Variants in KCNH1 observed in about 807,000 individuals in gnomAD.
The protein encoded by KCNH1 is voltage-gated delayed rectifier potassium channel KCNH1.
Under a neutral mutation model 69.2 loss-of-function variants are expected in KCNH1, and 27 were observed. The ratio of observed to expected loss-of-function variants is 0.39; its 90% CI spans 0.29 to 0.54. The LOEUF is 0.54. Ranked by LOEUF, KCNH1 falls within the 20% of genes least tolerant of loss-of-function variation. KCNH1 has a pLI of 0.68. For missense variants in KCNH1, 798 were observed against 1,261.6 expected, an observed-to-expected ratio of 0.63 and a Z score of 5.57; for synonymous variants, 456 against 487.7, an observed-to-expected ratio of 0.93 and a Z score of 0.86.
At chr1:210,767,768 C>G (rs1683666470) in intron 10 of KCNH1, among the ~76,000 whole-genome samples, 1 of 152,176 alleles carries the variant, frequency 6.6e-6, no homozygotes, top group Non-Finnish European at 1.5e-5. Context: ...GGATGCTACT[C>G]TCCTCCAAAA....
In KCNH1 at chr1:210,963,617, A is replaced by G. The variant is rs1000063012; in HGVS notation, c.1033-43548T>C. On this transcript the variant is annotated intron_variant, in intron 6 of 10. Coordinates refer to ENST00000271751, the MANE Select transcript of KCNH1 (RefSeq NM_172362.3). ...CATAAATGACCTGATGGAACTGAAA[A>G]ACACAGCGCAAGAACTTCATGAAGC... Among the ~76,000 whole-genome samples the G allele has an allele frequency of 3.3e-5, 5 of 152,162 alleles. No homozygotes were observed. In the South Asian group the frequency reaches 1.0e-3, roughly 32 times the overall value.
intron 7 of KCNH1, among the ~76,000 whole-genome samples, chr1:210,882,705 G>A (rs189324285): frequency 1.3e-5 from 2 of 152,282 alleles, no homozygotes; most frequent in African/African-American, 4.8e-5. Context: ...ACATAAGGAG[G>A]ATGAGGAGTA....
At chr1:211,029,334 TAAAAAA>T (rs58241322) in intron 5 of KCNH1, among the ~76,000 whole-genome samples, 1 of 23,148 alleles carries the variant, frequency 4.3e-5, no homozygotes, top group African/African-American at 2.0e-4. Flanking sequence ...TCCTGTCACT[TAAAAAA>T]AAAAAAAAAA....
chr1:211,100,252 C>A (rs1691233812), intron 3 of KCNH1, among the ~76,000 whole-genome samples: 1 of 152,190 alleles, frequency 6.6e-6, no homozygotes, highest in Non-Finnish European at 1.5e-5. Flanking sequence ...TTCTCCACCA[C>A]TACCGCTTTT....
chr1:210,846,329 A>AGT (rs1246737656), intron 7 of KCNH1, among the ~76,000 whole-genome samples: 1 of 152,246 alleles, frequency 6.6e-6, no homozygotes, highest in Non-Finnish European at 1.5e-5. Context: ...ACTTCAAACT[A>AGT]TACTACAAGG....
chr1:211,124,189 A>G (rs1691737405), intron 1 of KCNH1, among the ~76,000 whole-genome samples: 1 of 152,228 alleles, frequency 6.6e-6, no homozygotes, highest in Admixed American at 6.5e-5. Context: ...ATGGAACATG[A>G]AAGTATTTTA....
intron 1 of KCNH1, among the ~76,000 whole-genome samples, chr1:211,130,226 C>A (rs74906523): frequency 0.031 from 4,750 of 152,204 alleles, 115 homozygotes; most frequent in Non-Finnish European, 0.049. Context: ...TAAGCAAAAT[C>A]AAATAAAATA....
At chr1:210,844,404 G>C (rs1375926884) in intron 7 of KCNH1, among the ~76,000 whole-genome samples, 1 of 152,086 alleles carries the variant, frequency 6.6e-6, no homozygotes, top group East Asian at 1.9e-4. Flanking sequence ...ACTCAAACTA[G>C]AACTCAGGAT....
intron 10 of KCNH1, among the ~76,000 whole-genome samples, chr1:210,732,247 G>T (rs966688272): frequency 1.3e-5 from 2 of 151,806 alleles, no homozygotes; most frequent in African/African-American, 4.8e-5. Context: ...CTCCTCTGGG[G>T]GTACACCACC....
At chr1:210,744,682 G>A (rs1295980439) in intron 10 of KCNH1, among the ~76,000 whole-genome samples, 1 of 152,022 alleles carries the variant, frequency 6.6e-6, no homozygotes, top group African/African-American at 2.4e-5. Flanking sequence ...AACCCCACAG[G>A]TTGTTGGGCC....
intron 5 of KCNH1, among the ~76,000 whole-genome samples, chr1:211,068,901 A>C (rs1690582017): frequency 6.6e-6 from 1 of 152,224 alleles, no homozygotes; most frequent in African/African-American, 2.4e-5. Context: ...AAGTCTGAGC[A>C]TTAAAAACTC....
Position 210,859,381 on chromosome 1 carries a change from C to T in KCNH1, c.1463-55215G>A, listed in dbSNP as rs1031176097. ...CTGATCCCACACAGGATTATGATTT[C>T]GAATGGTTTGAAAGATAGCTTTAAA... On this transcript the variant is annotated intron_variant, in intron 7 of 10. Coordinates refer to ENST00000271751, the MANE Select transcript of KCNH1 (RefSeq NM_172362.3). 81 of 1,564,898 alleles carry T rather than the reference C, an allele frequency of 5.2e-5. No individual in the cohort carries two copies. The African/African-American group carries it at 6.1e-4, about 12-fold the overall frequency.
intron 7 of KCNH1, among the ~76,000 whole-genome samples, chr1:210,850,622 C>T (rs1301476580): frequency 6.6e-6 from 1 of 152,218 alleles, no homozygotes; most frequent in Non-Finnish European, 1.5e-5. Flanking sequence ...CCTATCACTC[C>T]TCCCACAGTT....
intron 5 of KCNH1, among the ~76,000 whole-genome samples, chr1:211,042,485 C>T (rs989604913): frequency 6.6e-6 from 1 of 152,024 alleles, no homozygotes; most frequent in African/African-American, 2.4e-5. Context: ...AGTACTAGAC[C>T]TAAGAAATGA....
At chr1:210,899,587 T>A (rs967361606) in intron 7 of KCNH1, among the ~76,000 whole-genome samples, 1 of 152,162 alleles carries the variant, frequency 6.6e-6, no homozygotes, top group African/African-American at 2.4e-5. Context: ...AAGGGAGTCT[T>A]GAGACCAAAA....
intron 9 of KCNH1, among the ~76,000 whole-genome samples, chr1:210,783,545 T>A (rs1043202294): frequency 4.6e-5 from 7 of 152,190 alleles, no homozygotes; most frequent in Admixed American, 1.3e-4. Context: ...GTAGAAGGGA[T>A]GTGTGCAATT....
chr1:211,007,069 A>C (rs1689299739), intron 6 of KCNH1, among the ~76,000 whole-genome samples: 1 of 152,218 alleles, frequency 6.6e-6, no homozygotes, highest in Non-Finnish European at 1.5e-5. Flanking sequence ...AGGTAACATG[A>C]AAAACTGAAA....
At chr1:210,975,539 C>T (rs553536399) in intron 6 of KCNH1, among the ~76,000 whole-genome samples, 36 of 152,182 alleles carry the variant, frequency 2.4e-4, no homozygotes, top group Admixed American at 1.6e-3. Context: ...GGGAAACTGG[C>T]TAGCCATATG....
At chr1:211,053,697 G>GA (rs1215541755) in intron 5 of KCNH1, among the ~76,000 whole-genome samples, 2 of 152,132 alleles carry the variant, frequency 1.3e-5, no homozygotes, top group African/African-American at 2.4e-5. Context: ...AAGTTGGCCT[G>GA]AACCAGGCGA....
Sources: gnomAD v4.1 joint callset for allele counts (sites outside exome capture counted in the v4.1 genomes callset) on GRCh38, gnomAD v4.1.1 for gene constraint, MANE v1.5 for transcripts, NCBI Gene and HGNC (gene_info 2026-07-23, HGNC 2026-07-21) for gene names.